The following HACL1 variants were observed in gnomAD, a reference collection of about 807,000 sequenced individuals.
HACL1 encodes the protein 1600020H07Rik.
In HACL1, 64 loss-of-function variants were observed where a neutral mutation model predicts 74.2. The ratio of observed to expected loss-of-function variants is 0.86; its 90% CI spans 0.70 to 1.06. HACL1 has a LOEUF of 1.06. HACL1 is among the 50% of genes least tolerant of loss of function. The pLI is 0.00. For synonymous variants in HACL1, 230 were observed against 238.8 expected (o/e 0.96, Z 0.34); for missense variants, 728 against 719.7 (o/e 1.01, Z -0.13).
intron 3 of HACL1, among the ~76,000 whole-genome samples, chr3:15,591,937 G>A (rs768333219): frequency 4.1e-5 from 6 of 147,548 alleles, no homozygotes; most frequent in Admixed American, 2.7e-4. Context: ...ACGTATATAC[G>A]TGTATATATA....
Position 15,592,055 on chromosome 3 carries a change from C to T in HACL1, c.228-375G>A, listed in dbSNP as rs560933738. Among the ~76,000 whole-genome samples the T allele has an allele frequency of 8.0e-3, 223 of 27,738 alleles. 2 individuals carry two copies. Among genetic ancestry groups the T allele is most frequent in the Non-Finnish European group, 9.0e-3 (143 of 15,892 alleles). 18.2% of individuals were successfully genotyped at this position (27,738 alleles called of 152,430 possible). ...TACGTATATATACACACACTATATA[C>T]GTATATATACGTATATACGTATACG... On this transcript the variant is annotated intron_variant, in intron 3 of 16. Coordinates refer to ENST00000321169, the MANE Select transcript of HACL1 (RefSeq NM_012260.4).
intron 14 of HACL1, among the ~76,000 whole-genome samples, chr3:15,565,777 T>C (rs1432525899): frequency 1.3e-5 from 2 of 152,194 alleles, no homozygotes; most frequent in Non-Finnish European, 2.9e-5. Flanking sequence ...AACAGACACA[T>C]ACAGTCAGAC....
intron 4 of HACL1, among the ~76,000 whole-genome samples, chr3:15,590,336 A>G (rs575883325): frequency 2.7e-5 from 4 of 150,018 alleles, no homozygotes; most frequent in African/African-American, 7.4e-5. Flanking sequence ...TTCAATGTGG[A>G]AAAAAAAAAG....
rs1574940130 is a variant in HACL1 at position 15,591,832 on chromosome 3, T to A, written c.228-152A>T. On this transcript the variant is annotated intron_variant, in intron 3 of 16. Transcript: ENST00000321169. ...AAACAATTATTAGAATATTTTTAAT[T>A]AAAAAACAAGGCGATATATATATAT... The A allele has an allele frequency of 9.1e-6, 5 of 547,986 alleles. No homozygotes were observed. In the East Asian group the frequency reaches 1.6e-4, roughly 17 times the overall value. The allele number at this position is 547,986 out of a possible 1,614,324, so 33.9% of individuals were successfully genotyped here. A position where few individuals can be genotyped will look rare whatever the true frequency, so the allele number is the denominator to read the frequency against.
intron 14 of HACL1, among the ~76,000 whole-genome samples, chr3:15,566,761 T>C (rs1425427182): frequency 3.3e-5 from 5 of 150,306 alleles, no homozygotes; most frequent in Non-Finnish European, 7.4e-5. Flanking sequence ...AATTTCTGCC[T>C]AAAGGATACT....
At chr3:15,597,447 T>C (rs1277878591) in intron 2 of HACL1, among the ~76,000 whole-genome samples, 1 of 152,096 alleles carries the variant, frequency 6.6e-6, no homozygotes, top group Non-Finnish European at 1.5e-5. Context: ...GCACACAAGA[T>C]AACCTGGGAA....
intron 2 of HACL1, chr3:15,600,789 G>C (rs960043721): frequency 2.3e-6 from 1 of 435,380 alleles, no homozygotes; most frequent in African/African-American, 2.0e-5. Context: ...CTCATAAACT[G>C]TCCATTCCAA....
rs145050377 is a variant in HACL1 at position 15,573,198 on chromosome 3, A to G, written c.954T>C (p.Ala318=). ...CATGTATGTTTCCTAGCAAAGTAAC[A>G]GCGGGCTTTACATTATTCCCCAATT... ...AEELGNNVKP[A]VTLLGNIHAV... The change falls in exon 11 of 17, where the codon GCT becomes GCC. Residue 318 remains alanine, a synonymous_variant. Transcript: ENST00000321169. 317 of 1,611,290 alleles carry G rather than the reference A, an allele frequency of 2.0e-4. No homozygotes were observed. Among genetic ancestry groups the G allele is most frequent in the Non-Finnish European group, 2.5e-4 (292 of 1,177,662 alleles).
intron 2 of HACL1, among the ~76,000 whole-genome samples, chr3:15,597,399 A>G (rs1006511957): frequency 6.6e-6 from 1 of 152,086 alleles, no homozygotes; most frequent in African/African-American, 2.4e-5. Context: ...ACTCTACTTC[A>G]GCTCATAATC....
chr3:15,598,765 C>G (rs899852153), intron 2 of HACL1, among the ~76,000 whole-genome samples: 1 of 152,230 alleles, frequency 6.6e-6, no homozygotes, highest in African/African-American at 2.4e-5. Context: ...CATGTTCCCT[C>G]TGAATCATTC....
intron 12 of HACL1, 145 bp from the exon 13 acceptor site, chr3:15,568,731 G>C: frequency 1.7e-6 from 1 of 594,280 alleles, no homozygotes; most frequent in Non-Finnish European, 3.0e-6. Flanking sequence ...TGGCCACTCT[G>C]AGAAGTTGGC....
At position 15,563,423 on chromosome 3, in the gene HACL1, C is replaced by G; in HGVS notation, c.1639G>C (p.Ala547Pro). 6.2e-7 allele frequency: 1 copy of G among 1,613,454 alleles called. No individual in the cohort carries two copies. Among genetic ancestry groups the G allele is most frequent in the Non-Finnish European group, 8.5e-7 (1 of 1,179,404 alleles). Residue 547 changes from alanine to proline, a missense_variant, in exon 16 of 17, where the codon GCA (alanine) becomes CCA (proline). By Grantham distance (27) the Ala-to-Pro change is conservative. Coordinates refer to ENST00000321169, the MANE Select transcript of HACL1 (RefSeq NM_012260.4). The part of the protein sequence containing the change: ...ELQKSLRQSL[A>P]DTTKPSLINI... Reference sequence around the variant, plus strand: ...ATAAGAGAAGGTTTAGTTGTGTCTGCTAGGCTCTGCCTCAGGGATTTTTGG... The same window carrying G: ...ATAAGAGAAGGTTTAGTTGTGTCTGGTAGGCTCTGCCTCAGGGATTTTTGG...
At position 15,591,652 on chromosome 3, in the gene HACL1, G is replaced by C; in HGVS notation, c.256C>G (p.Pro86Ala). The C allele has an allele frequency of 6.2e-7, 1 of 1,611,934 alleles. No individual in the cohort carries two copies. The highest frequency in any genetic ancestry group is 8.5e-7 in the Non-Finnish European group (1 of 1,178,372). Reference protein sequence around the residue: ...RPGVCLVVSGPGLIHALGGMA... With the variant: ...RPGVCLVVSGAGLIHALGGMA... Reference sequence around the variant, plus strand: ...CCGCCCAAGGCATGGATGAGACCTGGGCCAGAAACAACAAGGCAGACTCCT... The same window carrying C: ...CCGCCCAAGGCATGGATGAGACCTGCGCCAGAAACAACAAGGCAGACTCCT... The change falls in exon 4 of 17, where the codon CCA (proline) becomes GCA (alanine). Residue 86 changes from proline (P) to alanine (A), a missense_variant. By Grantham distance (27) the Pro-to-Ala change is conservative. Transcript: ENST00000321169.
intron 2 of HACL1, 50 bp downstream of exon 2, chr3:15,601,040 A>T: frequency 1.8e-6 from 2 of 1,088,718 alleles, no homozygotes; most frequent in South Asian, 1.2e-5. Context: ...ACCTACCGCT[A>T]TTACTGATCA....
intron 12 of HACL1, among the ~76,000 whole-genome samples, chr3:15,569,248 GTTCTGCTGGAGAT>G (rs2063482550): frequency 2.0e-5 from 3 of 152,124 alleles, no homozygotes; most frequent in Non-Finnish European, 2.9e-5. Context: ...ATGCTACTTT[GTTCTGCTGGAGAT>G]TATACACAAG....
intron 2 of HACL1, among the ~76,000 whole-genome samples, chr3:15,598,394 A>G (rs189906119): frequency 1.3e-5 from 2 of 152,192 alleles, no homozygotes; most frequent in East Asian, 1.9e-4. Context: ...AACAGTGTAC[A>G]TGGTACTTAG....
At chr3:15,595,454 A>G (rs572268877) in intron 3 of HACL1, among the ~76,000 whole-genome samples, 1 of 151,708 alleles carries the variant, frequency 6.6e-6, no homozygotes, top group South Asian at 2.1e-4. Context: ...AAAATGTATT[A>G]AAACTAACAT....
At chr3:15,598,068 A>C (rs2064103950) in intron 2 of HACL1, among the ~76,000 whole-genome samples, 1 of 149,680 alleles carries the variant, frequency 6.7e-6, no homozygotes, top group Admixed American at 6.7e-5. Context: ...CTTGTTGCCC[A>C]GGCTGGAGTG....
intron 5 of HACL1, among the ~76,000 whole-genome samples, chr3:15,589,172 A>G (rs913363421): frequency 2.0e-5 from 3 of 151,956 alleles, no homozygotes; most frequent in Non-Finnish European, 4.4e-5. Flanking sequence ...TCTACCTCTT[A>G]ATGGTGTGTA....
Sources: allele counts gnomAD v4.1 joint callset (sites outside exome capture counted in the v4.1 genomes callset), GRCh38; gene constraint gnomAD v4.1.1; transcripts MANE v1.5; gene names NCBI Gene and HGNC (gene_info 2026-07-23, HGNC 2026-07-21).